The following SHANK2 variants were observed in gnomAD, a reference collection of about 807,000 sequenced individuals.
The protein encoded by SHANK2 is SH3 and multiple ankyrin repeat domains protein 2.
A neutral mutation model predicts 133.7 loss-of-function variants in SHANK2; 43 were observed. The ratio of observed to expected loss-of-function variants is 0.32; its 90% CI spans 0.25 to 0.41. The LOEUF (loss-of-function observed/expected upper bound fraction) is 0.41, where lower values mean the gene tolerates loss of function less well. Ranked by LOEUF, SHANK2 falls within the 10% of genes least tolerant of loss-of-function variation. The pLI is 1.00. For synonymous variants in SHANK2, 1,017 were observed against 952.8 expected (o/e 1.07, Z -1.24); for missense variants, 1,994 against 2,235.8 (o/e 0.89, Z 2.18).
At chr11:71,208,865 T>C (rs1954187798) in intron 2 of SHANK2, among the ~76,000 whole-genome samples, 1 of 152,106 alleles carries the variant, frequency 6.6e-6, no homozygotes, top group Middle Eastern at 3.4e-3. Flanking sequence ...AGAGCAGAGG[T>C]TGCTAAACTC....
At chr11:70,714,107 G>A (rs1360958050) in intron 14 of SHANK2, among the ~76,000 whole-genome samples, 1 of 152,204 alleles carries the variant, frequency 6.6e-6, no homozygotes, top group Non-Finnish European at 1.5e-5. Flanking sequence ...AGGAGCAGGC[G>A]CCTGCCAGGA....
intron 12 of SHANK2, among the ~76,000 whole-genome samples, chr11:70,810,465 C>A (rs1307007731): frequency 1.3e-5 from 2 of 152,218 alleles, no homozygotes; most frequent in East Asian, 3.9e-4. Flanking sequence ...AGAATCCCGG[C>A]AACCAAGGGA....
chr11:70,617,063 GTC>G (rs1303741180), intron 17 of SHANK2, among the ~76,000 whole-genome samples: 1 of 152,038 alleles, frequency 6.6e-6, no homozygotes, highest in African/African-American at 2.4e-5. Flanking sequence ...GTGTGGCAGT[GTC>G]TGAGTGTGTG....
chr11:71,181,027 T>C (rs1953544827), intron 2 of SHANK2, among the ~76,000 whole-genome samples: 2 of 151,842 alleles, frequency 1.3e-5, no homozygotes, highest in South Asian at 4.2e-4. Flanking sequence ...TCATTTTTAA[T>C]GCATATAAAC....
rs185977451 is a variant in SHANK2 at position 70,895,662 on chromosome 11, C to G, written c.1174+839G>C. ...GAGGATGCCACTGGCTCTCTCTCCA[C>G]CCTCATCGGGTCACCAGCTCTTTGC... On this transcript the variant is annotated intron_variant, in intron 11 of 25. Transcript: ENST00000601538. The G allele has an allele frequency of 9.2e-5, 14 of 152,640 alleles. No individual in the cohort carries two copies. The East Asian group carries it at 2.5e-3, about 28-fold the overall frequency. 9.5% of individuals were successfully genotyped at this position (152,640 alleles called of 1,614,324 possible). A position where few individuals can be genotyped will look rare whatever the true frequency, so the allele number is the denominator to read the frequency against.
At chr11:71,137,246 GTCTTT>G (rs1470043154) in intron 3 of SHANK2, among the ~76,000 whole-genome samples, 4 of 93,414 alleles carry the variant, frequency 4.3e-5, no homozygotes, top group Non-Finnish European at 8.3e-5. Context: ...GAAAGTTTTA[GTCTTT>G]TCTTTTTTTT....
At chr11:70,504,988 C>A (rs2059116655) in intron 17 of SHANK2, among the ~76,000 whole-genome samples, 1 of 152,156 alleles carries the variant, frequency 6.6e-6, no homozygotes, top group African/African-American at 2.4e-5. Context: ...CCATGAGGCA[C>A]AGGCAGTTCA....
At chr11:71,122,794 A>C (rs1221988808) in intron 3 of SHANK2, among the ~76,000 whole-genome samples, 1 of 152,182 alleles carries the variant, frequency 6.6e-6, no homozygotes, top group Non-Finnish European at 1.5e-5. Flanking sequence ...GGGTAGAGGT[A>C]GAGAATCTGG....
intron 17 of SHANK2, among the ~76,000 whole-genome samples, chr11:70,523,952 G>T (rs2135940739): frequency 6.6e-6 from 1 of 152,234 alleles, no homozygotes; most frequent in South Asian, 2.1e-4. Flanking sequence ...CCCTGTCAGG[G>T]GTCAGGGCCC....
chr11:70,539,017 T>C (rs2059579766), intron 17 of SHANK2, among the ~76,000 whole-genome samples: 1 of 152,232 alleles, frequency 6.6e-6, no homozygotes, highest in African/African-American at 2.4e-5. Flanking sequence ...GCAGAACTAC[T>C]CTGCCTCTCG....
At chr11:70,508,224 C>T (rs2059158685) in intron 17 of SHANK2, among the ~76,000 whole-genome samples, 1 of 152,228 alleles carries the variant, frequency 6.6e-6, no homozygotes, top group South Asian at 2.1e-4. Context: ...CCACGTGCTG[C>T]TGGGCACACA....
At position 70,485,255 on chromosome 11, in the gene SHANK2, C is replaced by T. The variant is rs1245343884; in HGVS notation, c.4979+59G>A. The stretch of plus-strand genomic sequence containing the variant: ...TGGGGCTGCTACCCGAGGGCCTTTC[C>T]TGGTCAGCAGGGACAGTGCACGCAG... On this transcript the variant is annotated intron_variant, in intron 25 of 25. Transcript: ENST00000601538. This position sits in a 1 kb window ranked among gnomAD's most constrained non-coding sequence, Gnocchi z 5.8. 6.0e-6 allele frequency: 9 copies of T among 1,489,932 alleles called. No individual in the cohort carries two copies. In the South Asian group the frequency reaches 1.0e-4, roughly 17 times the overall value. The allele number at this position is 1,489,932 out of a possible 1,614,324, so 92.3% of individuals were successfully genotyped here. A position where few individuals can be genotyped will look rare whatever the true frequency, so the allele number is the denominator to read the frequency against.
upstream of SHANK2, among the ~76,000 whole-genome samples, chr11:71,253,210 C>G (rs1227751727): frequency 6.6e-6 from 1 of 152,202 alleles, no homozygotes; most frequent in Non-Finnish European, 1.5e-5. Flanking sequence ...AGGCACCCTC[C>G]GGAGACTCCA....
intron 17 of SHANK2, among the ~76,000 whole-genome samples, chr11:70,639,555 A>G (rs2061150136): frequency 6.6e-6 from 1 of 151,868 alleles, no homozygotes; most frequent in Non-Finnish European, 1.5e-5. Context: ...TACTGTATGA[A>G]TTTTTCAGGT....
intron 17 of SHANK2, among the ~76,000 whole-genome samples, chr11:70,636,331 ATG>A (rs1168648965): frequency 2.0e-5 from 3 of 151,646 alleles, no homozygotes; most frequent in African/African-American, 7.3e-5. Context: ...GAATGTTAGC[ATG>A]TGTGAATGCG....
rs1018538945 is a variant in SHANK2, at chr11:71,104,173, G to A, written c.592+5768C>T. On this transcript the variant is annotated intron_variant, in intron 6 of 25. Coordinates refer to ENST00000601538, the MANE Select transcript of SHANK2 (RefSeq NM_012309.5). ...GCTCACCTAACGCTCACATTTTCCC[G>A]GCACCACCGTAGGTGTTATCATTCA... 3.9e-5 allele frequency among the ~76,000 whole-genome samples: 6 copies of A among 152,198 alleles called. No homozygotes were observed. In the South Asian group the frequency reaches 8.3e-4, roughly 21 times the overall value.
At chr11:71,210,287 C>T (rs989534211) in intron 2 of SHANK2, among the ~76,000 whole-genome samples, 15 of 141,784 alleles carry the variant, frequency 1.1e-4, no homozygotes, top group Admixed American at 5.3e-4. Flanking sequence ...CTCTCTCTGT[C>T]GCCCAGGCTG....
intron 14 of SHANK2, among the ~76,000 whole-genome samples, chr11:70,720,160 C>T (rs1343821511): frequency 6.6e-6 from 1 of 152,190 alleles, no homozygotes; most frequent in Non-Finnish European, 1.5e-5. Context: ...CACAGCTGCA[C>T]CCCCAGGGCC....
intron 11 of SHANK2, among the ~76,000 whole-genome samples, chr11:70,876,251 C>T (rs1358420683): frequency 6.7e-6 from 1 of 149,766 alleles, no homozygotes; most frequent in African/African-American, 2.5e-5. Context: ...TAGACACACA[C>T]ACACACACAC....
Sources: allele counts gnomAD v4.1 joint callset (sites outside exome capture counted in the v4.1 genomes callset), GRCh38; gene constraint gnomAD v4.1.1; non-coding constraint Gnocchi (gnomAD v3.1); transcripts MANE v1.5; gene names NCBI Gene and HGNC (gene_info 2026-07-23, HGNC 2026-07-21).